Variants in FCN2 observed in about 807,000 individuals in gnomAD.
FCN2 encodes the protein ficolin-2.
A neutral mutation model predicts 32.5 loss-of-function variants in FCN2; 31 were observed. The ratio of observed to expected loss-of-function variants is 0.96; its 90% confidence interval spans 0.72 to 1.29. The LOEUF is 1.29. Ranked by LOEUF, FCN2 falls within the 50% of genes most tolerant of loss-of-function variation. The pLI is 0.00. For missense variants in FCN2, 412 were observed against 406.5 expected (o/e 1.01, Z -0.12); for synonymous variants, 181 against 164.5 (o/e 1.10, Z -0.77).
rs1046934393 is a variant in FCN2 at position 134,885,486 on chromosome 9, A to C, written c.429+120A>C. On this transcript the variant is annotated intron_variant, in intron 5 of 7. Coordinates refer to ENST00000291744, the MANE Select transcript of FCN2 (RefSeq NM_004108.3). ...TCCTGGTCGGGGACAGTCAGAGATG[A>C]TGGGGGAGATGACCGGTGGGTAAAA... is the stretch of plus-strand genomic sequence containing the variant. 3 of 1,475,458 alleles carry C rather than the reference A, an allele frequency of 2.0e-6. No individual in the cohort carries two copies. The African/African-American group carries it at 4.2e-5, about 21-fold the overall frequency. 91.4% of individuals were successfully genotyped at this position (1,475,458 alleles called of 1,614,324 possible).
chr9:134,869,212 G>A, the FCN2 span, among the ~76,000 whole-genome samples: 1 of 152,190 alleles, frequency 6.6e-6, no homozygotes, highest in Non-Finnish European at 1.5e-5. Flanking sequence ...AGCCTCACAC[G>A]TTGTACCAAA....
the FCN2 span, among the ~76,000 whole-genome samples, chr9:134,869,636 C>T: frequency 3.3e-5 from 5 of 152,332 alleles, no homozygotes; most frequent in African/African-American, 9.6e-5. Flanking sequence ...TTTCTCTGCT[C>T]GACTCAACTC....
Position 134,887,400 on chromosome 9 carries a change from G to C in FCN2, c.927G>C (p.Lys309Asn), listed in dbSNP as rs1448900661. ...YNYSYKVSEM[K>N]VRPA is the part of the protein sequence containing the mutation. ...ATAGCTACAAGGTGTCAGAGATGAA[G>C]GTGCGACCTGCCTAGCCCAGGCCGG... Residue 309 changes from lysine (K) to asparagine (N), a missense_variant, in exon 8 of 8, where the codon AAG (lysine) becomes AAC (asparagine). Lys to Asn is a moderately conservative substitution (Grantham distance 94). Transcript: ENST00000291744. The C allele has an allele frequency of 1.9e-6, 3 of 1,614,102 alleles. No homozygotes were observed. In the South Asian group the frequency reaches 3.3e-5, roughly 18 times the overall value.
At chr9:134,881,020 C>T in intron 1 of FCN2, 99 bp downstream of exon 1, 1 of 832,270 alleles carries the variant, frequency 1.2e-6, no homozygotes. Flanking sequence ...TTGCACCAGG[C>T]CGTGTGGAGC....
the FCN2 span, among the ~76,000 whole-genome samples, chr9:134,871,565 A>G: frequency 3.9e-5 from 6 of 152,184 alleles, no homozygotes; most frequent in African/African-American, 1.2e-4. Flanking sequence ...CTGGGGCCCC[A>G]GACCCTTCGG....
At chr9:134,883,572 A>C (rs1276533380) in intron 3 of FCN2, among the ~76,000 whole-genome samples, 2 of 102,480 alleles carry the variant, frequency 2.0e-5, no homozygotes, top group Non-Finnish European at 3.7e-5. Flanking sequence ...GAGTGGGGTT[A>C]TCAGTGTGGG....
rs778196615 is a variant in FCN2 at position 134,882,558 on chromosome 9, A to G, written c.133A>G (p.Lys45Glu). The part of the protein sequence containing the change: ...VKMVGLEGSD[K>E]LTILRGCPGL... Reference sequence around the variant, plus strand: ...GATGGTGGGCCTGGAGGGCTCTGACAAGCTCACCATTCTCCGAGGCTGTCC... The same window carrying G: ...GATGGTGGGCCTGGAGGGCTCTGACGAGCTCACCATTCTCCGAGGCTGTCC... Residue 45 changes from lysine (K) to glutamate (E), a missense_variant, in exon 2 of 8, where the codon AAG becomes GAG. Coordinates refer to ENST00000291744, the MANE Select transcript of FCN2 (RefSeq NM_004108.3). 1 of 1,614,146 alleles carries G rather than the reference A, an allele frequency of 6.2e-7. No individual in the cohort carries two copies. Among genetic ancestry groups the G allele is most frequent in the Admixed American group, 1.7e-5 (1 of 60,022 alleles).
chr9:134,884,793 T>C (rs1830719822), intron 4 of FCN2, 21 bp downstream of exon 4: 2 of 1,612,032 alleles, frequency 1.2e-6, no homozygotes, highest in Admixed American at 3.3e-5. Context: ...ACCCCCACAC[T>C]CCTCCCACGG....
chr9:134,869,142 C>A, the FCN2 span, among the ~76,000 whole-genome samples: 2 of 152,202 alleles, frequency 1.3e-5, no homozygotes, highest in Non-Finnish European at 2.9e-5. Context: ...GCCCACTCGG[C>A]CCCCGTGCCG....
chr9:134,871,066 A>G, the FCN2 span, among the ~76,000 whole-genome samples: 2 of 152,078 alleles, frequency 1.3e-5, no homozygotes, highest in African/African-American at 4.8e-5. Flanking sequence ...TTGTTTTCTA[A>G]TATGCCTTGT....
chr9:134,868,460 G>C, the FCN2 span: 32 of 186,294 alleles, frequency 1.7e-4, no homozygotes, highest in African/African-American at 7.1e-4. The surrounding 1 kb of genome is among the most constrained non-coding windows in gnomAD (Gnocchi z 4.3). Context: ...CGGAGATGAA[G>C]GTGCGGCCCA....
chr9:134,886,433 C>A lies in FCN2; in HGVS notation c.563C>A (p.Thr188Asn), dbSNP rs773853596. The change falls in exon 7 of 8, where the codon ACC becomes AAC. Residue 188 changes from threonine to asparagine, a missense_variant. Physicochemically the swap from Thr to Asn is moderately conservative, Grantham distance 65. Coordinates refer to ENST00000291744, the MANE Select transcript of FCN2 (RefSeq NM_004108.3). ...CCCTGAAACCTTTCTCTAACAGGAA[C>A]CAGCGAGCTCCGTGTAGACCTGGTG... ...DNIHALTAQG[T>N]SELRVDLVDF... 6.2e-7 allele frequency: 1 copy of A among 1,614,194 alleles called. No homozygotes were observed. The highest frequency in any genetic ancestry group is 1.1e-5 in the South Asian group (1 of 91,086).
the FCN2 span, among the ~76,000 whole-genome samples, chr9:134,869,284 G>A: frequency 6.6e-6 from 1 of 152,220 alleles, no homozygotes; most frequent in Admixed American, 6.5e-5. Context: ...GGGGGCGAGT[G>A]GGTGAGAAGG....
At chr9:134,867,304 G>C in the FCN2 span, among the ~76,000 whole-genome samples, 3 of 151,346 alleles carry the variant, frequency 2.0e-5, no homozygotes, top group Non-Finnish European at 2.9e-5. Flanking sequence ...GGAATACTAT[G>C]CAGCCATAAA....
At chr9:134,884,454 C>G (rs930261183) in intron 3 of FCN2, among the ~76,000 whole-genome samples, 24 of 152,180 alleles carry the variant, frequency 1.6e-4, no homozygotes, top group Non-Finnish European at 3.1e-4. Context: ...CCTGAAGATC[C>G]AGGCTTCCTT....
intron 3 of FCN2, 26 bp downstream of exon 3, chr9:134,883,381 C>T (rs368561772): frequency 6.6e-5 from 106 of 1,604,020 alleles, no homozygotes; most frequent in Non-Finnish European, 8.5e-5. Context: ...GAGTGAGAAG[C>T]GGCTTCAAGG....
At chr9:134,885,737 C>T in intron 5 of FCN2, 31 bp from the exon 6 acceptor site, 1 of 1,613,882 alleles carries the variant, frequency 6.2e-7, no homozygotes, top group Non-Finnish European at 8.5e-7. Context: ...GGCCTGGCCC[C>T]CCCGGCTCCT....
At chr9:134,887,031 A>T in intron 7 of FCN2, 137 bp from the exon 8 acceptor site, 2 of 1,010,622 alleles carry the variant, frequency 2.0e-6, no homozygotes, top group African/African-American at 1.6e-5. Context: ...CATGGATTGC[A>T]CTTCTTGGAT....
At chr9:134,867,949 C>T in the FCN2 span, among the ~76,000 whole-genome samples, 1 of 152,336 alleles carries the variant, frequency 6.6e-6, no homozygotes, top group South Asian at 2.1e-4. Context: ...ATTTAAAATG[C>T]ACATTCTCTA....
Sources: gnomAD v4.1 joint callset for allele counts (sites outside exome capture counted in the v4.1 genomes callset) on GRCh38, gnomAD v4.1.1 for gene constraint, Gnocchi (gnomAD v3.1) non-coding constraint, MANE v1.5 for transcripts, NCBI Gene and HGNC (gene_info 2026-07-23, HGNC 2026-07-21) for gene names.